The following SRPK1 variants were observed in gnomAD, a reference collection of about 807,000 sequenced individuals.
The protein encoded by SRPK1 is SFRS protein kinase 1.
In SRPK1, 52 loss-of-function variants were observed where a neutral mutation model predicts 89.5. That is an observed-to-expected ratio of 0.58 (90% CI 0.46 to 0.73). The LOEUF (loss-of-function observed/expected upper bound fraction) is 0.73, where lower values mean the gene tolerates loss of function less well. Among genes scored for constraint, SRPK1 ranks in the 30% least tolerant of loss-of-function variants. The pLI is 0.00. For missense variants in SRPK1, 603 were observed against 780.6 expected (o/e 0.77, Z 2.71); for synonymous variants, 255 against 270.2 (o/e 0.94, Z 0.55).
At chr6:35,835,876 C>CT (rs1233803766) in intron 15 of SRPK1, among the ~76,000 whole-genome samples, 1 of 152,086 alleles carries the variant, frequency 6.6e-6, no homozygotes, top group African/African-American at 2.4e-5. Context: ...TGCTTATACT[C>CT]TTTTTTTGTG....
chr6:35,888,349 T>C (rs1770451723), intron 4 of SRPK1, among the ~76,000 whole-genome samples: 1 of 152,172 alleles, frequency 6.6e-6, no homozygotes. Context: ...ACATTTTCTC[T>C]GAGTTAAAAT....
At chr6:35,906,151 C>T (rs1217487855) in intron 2 of SRPK1, among the ~76,000 whole-genome samples, 1 of 151,858 alleles carries the variant, frequency 6.6e-6, no homozygotes, top group Non-Finnish European at 1.5e-5. Context: ...CAGGAGATAC[C>T]ATGAAAAAAA....
chr6:35,890,999 T>C lies in SRPK1; in HGVS notation c.89A>G (p.His30Arg), dbSNP rs1428950232. Residue 30 changes from histidine (H) to arginine (R), a missense_variant, in exon 3 of 16, where the codon CAC becomes CGC. Coordinates refer to ENST00000373825, the MANE Select transcript of SRPK1 (RefSeq NM_003137.5). ...DKAQRKSETQ[H>R]RGSAPHSESD... ...CTCAGAGTGGGGAGCAGAGCCTCGGTGCTGAGTTTCAGATCTAAGAAATGA... is the reference window on the plus strand; with the variant it reads ...CTCAGAGTGGGGAGCAGAGCCTCGGCGCTGAGTTTCAGATCTAAGAAATGA... 6.4e-7 allele frequency: 1 copy of C among 1,551,696 alleles called. No individual in the cohort carries two copies. The highest frequency in any genetic ancestry group is 8.7e-7 in the Non-Finnish European group (1 of 1,146,994).
intron 13 of SRPK1, among the ~76,000 whole-genome samples, chr6:35,847,000 C>T (rs1484365299): frequency 6.6e-6 from 1 of 152,136 alleles, no homozygotes; most frequent in Non-Finnish European, 1.5e-5. Context: ...AAGGAATGTA[C>T]CTCAACACAA....
In SRPK1 at chr6:35,833,332, G is replaced by C. The variant is rs1393947337; in HGVS notation, c.*1972C>G. 6.6e-6 allele frequency: 1 copy of C among 152,336 alleles called. No homozygotes were observed. The highest frequency in any genetic ancestry group is 2.4e-5 in the African/African-American group (1 of 41,434). 9.4% of individuals were successfully genotyped at this position (152,336 alleles called of 1,614,324 possible). Reference sequence around the variant, plus strand: ...AAGCATTTCCAAAATGAAGTTACAGGTTCTATTAAAACTTACTGTCACATC... The same window carrying C: ...AAGCATTTCCAAAATGAAGTTACAGCTTCTATTAAAACTTACTGTCACATC... On this transcript the variant is annotated 3_prime_UTR_variant, in exon 16 of 16. Transcript: ENST00000373825.
At chr6:35,888,389 AG>A (rs1475958245) in intron 4 of SRPK1, among the ~76,000 whole-genome samples, 1 of 152,170 alleles carries the variant, frequency 6.6e-6, no homozygotes, top group Non-Finnish European at 1.5e-5. Flanking sequence ...CTGAGTTACA[AG>A]CAAAACTGCA....
intron 10 of SRPK1, 33 bp downstream of exon 10, chr6:35,870,248 T>G: frequency 1.3e-6 from 2 of 1,578,222 alleles, no homozygotes; most frequent in Non-Finnish European, 1.7e-6. Context: ...TAAAGTGTGT[T>G]GTACAGTAAT....
chr6:35,859,916 T>C (rs1469149409), intron 12 of SRPK1, among the ~76,000 whole-genome samples: 1 of 151,542 alleles, frequency 6.6e-6, no homozygotes, highest in Non-Finnish European at 1.5e-5. Context: ...TGGAGTGCAG[T>C]GGTGCGATCT....
chr6:35,908,417 T>A (rs1030861075), intron 2 of SRPK1, among the ~76,000 whole-genome samples: 2 of 152,218 alleles, frequency 1.3e-5, no homozygotes, highest in Non-Finnish European at 1.5e-5. Context: ...AGGTCACTCA[T>A]GCTATGCTTT....
rs1562000602 is a variant in SRPK1, at chr6:35,916,242, A to AATT, written c.74+4225_74+4226insAAT. Among the ~76,000 whole-genome samples the AATT allele has an allele frequency of 6.2e-3, 911 of 148,104 alleles. 9 individuals carry two copies. The highest frequency in any genetic ancestry group is 0.02 in the African/African-American group (781 of 39,608). On this transcript the variant is annotated intron_variant, in intron 2 of 15. Transcript: ENST00000373825. ...CTCTGCCTCAAATAAATAAATAAATAAATTAATTAATTAATTAATTAAATT... is the reference window on the plus strand; with the variant it reads ...CTCTGCCTCAAATAAATAAATAAATAATTAATTAATTAATTAATTAATTAAATT...
At chr6:35,873,520 T>C (rs187872225) in intron 7 of SRPK1, among the ~76,000 whole-genome samples, 26 of 152,062 alleles carry the variant, frequency 1.7e-4, no homozygotes, top group African/African-American at 1.7e-4. Context: ...GATGGAGTCT[T>C]GCTCTGTCGC....
intron 7 of SRPK1, 29 bp from the exon 8 acceptor site, chr6:35,872,757 A>T: frequency 6.4e-7 from 1 of 1,562,682 alleles, no homozygotes; most frequent in Non-Finnish European, 8.6e-7. Flanking sequence ...GCAGACTTGC[A>T]AACACAAAAT....
At chr6:35,873,855 C>G (rs1770097667) in intron 7 of SRPK1, among the ~76,000 whole-genome samples, 1 of 150,742 alleles carries the variant, frequency 6.6e-6, no homozygotes, top group Non-Finnish European at 1.5e-5. Context: ...GAGACGGAGT[C>G]TCGCTCTGTC....
chr6:35,899,830 C>T (rs1456486038), intron 2 of SRPK1, among the ~76,000 whole-genome samples: 1 of 151,788 alleles, frequency 6.6e-6, no homozygotes, highest in Admixed American at 6.6e-5. Flanking sequence ...GGCAAAACCC[C>T]ATCTCTACTA....
intron 13 of SRPK1, among the ~76,000 whole-genome samples, chr6:35,855,236 A>G (rs1255117582): frequency 2.0e-5 from 3 of 152,096 alleles, no homozygotes; most frequent in Non-Finnish European, 4.4e-5. Flanking sequence ...TGGGAGGCGG[A>G]GCTTGCAGTG....
intron 2 of SRPK1, among the ~76,000 whole-genome samples, chr6:35,917,928 C>G (rs1771147393): frequency 6.6e-6 from 1 of 152,208 alleles, no homozygotes; most frequent in African/African-American, 2.4e-5. Flanking sequence ...AATCAGAATT[C>G]AAAACCACAT....
intron 13 of SRPK1, among the ~76,000 whole-genome samples, chr6:35,846,287 G>C (rs1360469478): frequency 6.6e-6 from 1 of 151,416 alleles, no homozygotes; most frequent in Non-Finnish European, 1.5e-5. Flanking sequence ...CTAAAGATAT[G>C]TTGTATAAAA....
intron 2 of SRPK1, among the ~76,000 whole-genome samples, chr6:35,900,287 G>A (rs1479794545): frequency 2.0e-5 from 3 of 152,194 alleles, no homozygotes; most frequent in East Asian, 1.9e-4. Flanking sequence ...GGGCATTTGC[G>A]AGGATATGTT....
Position 35,833,851 on chromosome 6 carries a change from C to T in SRPK1, c.*1453G>A, listed in dbSNP as rs1204110384. ...GCACCTCTGTGGCTTTCTGTAAATT[C>T]GAGTCCTACAGCCACTTCGAGAACG... is the stretch of plus-strand genomic sequence containing the variant. On this transcript the variant is annotated 3_prime_UTR_variant, in exon 16 of 16. Coordinates refer to ENST00000373825, the MANE Select transcript of SRPK1 (RefSeq NM_003137.5). 6.6e-6 allele frequency: 1 copy of T among 152,280 alleles called. No individual in the cohort carries two copies. Among genetic ancestry groups the T allele is most frequent in the African/African-American group, 2.4e-5 (1 of 41,426 alleles). The allele number at this position is 152,280 out of a possible 1,614,324, so 9.4% of individuals were successfully genotyped here.
Sources: gnomAD v4.1 joint callset for allele counts (sites outside exome capture counted in the v4.1 genomes callset) on GRCh38, gnomAD v4.1.1 for gene constraint, MANE v1.5 for transcripts, NCBI Gene and HGNC (gene_info 2026-07-23, HGNC 2026-07-21) for gene names.